RTN4: variants seen among roughly 807,000 people sequenced by gnomAD.
RTN4 encodes the protein reticulon 4, also known as reticulon-4.
RTN4 carries 32 observed loss-of-function variants against 90.4 expected under a neutral mutation model. That is an observed-to-expected ratio of 0.35 (90% CI 0.27 to 0.48). The LOEUF (loss-of-function observed/expected upper bound fraction) is 0.48, where lower values mean the gene tolerates loss of function less well. Ranked by LOEUF, RTN4 falls within the 20% of genes least tolerant of loss-of-function variation. RTN4 has a pLI of 0.99. For synonymous variants in RTN4, 629 were observed against 552.5 expected, an observed-to-expected ratio of 1.14 and a Z score of -1.94; for missense variants, 1,706 against 1,430.2, an observed-to-expected ratio of 1.19 and a Z score of -3.11.
chr2:55,031,938 GC>G (rs1682344992), intron 1 of RTN4, among the ~76,000 whole-genome samples: 2 of 152,044 alleles, frequency 1.3e-5, no homozygotes, highest in Non-Finnish European at 2.9e-5. Context: ...CAAATTAACT[GC>G]CTGCCAGAAC....
rs111958278 is a variant in RTN4, at chr2:55,025,123, T to C, written c.2976A>G (p.Pro992=). 4.9e-4 allele frequency: 791 copies of C among 1,612,684 alleles called. 4 individuals are homozygous for C. The African/African-American group carries it at 7.7e-3, about 16-fold the overall frequency. ...TCAGCTCTGCTGAAAATATAGCAGA[T>C]GGTGATCTGTCCTCTTTTTCTGTAT... ...PSDTEKEDRS[P]SAIFSAELSK... The change falls in exon 3 of 9, where the codon CCA becomes CCG. Residue 992 remains proline, a synonymous_variant. Transcript: ENST00000337526.
chr2:54,978,568 T>C (rs886652283), intron 5 of RTN4, among the ~76,000 whole-genome samples: 4 of 152,196 alleles, frequency 2.6e-5, no homozygotes, highest in Admixed American at 2.6e-4. Flanking sequence ...TTTCAAATTG[T>C]TGTTTAAAAA....
chr2:54,999,241 TTTTC>T (rs1679677535), intron 3 of RTN4, among the ~76,000 whole-genome samples: 1 of 152,202 alleles, frequency 6.6e-6, no homozygotes, highest in Non-Finnish European at 1.5e-5. Context: ...CACTTAAATC[TTTTC>T]TTTAAAATAA....
intron 2 of RTN4, among the ~76,000 whole-genome samples, chr2:55,066,422 T>C (rs1172086281): frequency 2.0e-5 from 3 of 152,024 alleles, no homozygotes; most frequent in African/African-American, 7.2e-5. Context: ...TGGCTGGGCG[T>C]GGTGGCTCAC....
At chr2:55,001,277 T>C (rs919823770) in intron 3 of RTN4, among the ~76,000 whole-genome samples, 1 of 152,162 alleles carries the variant, frequency 6.6e-6, no homozygotes, top group African/African-American at 2.4e-5. Flanking sequence ...ATTAAAATCG[T>C]TGTAAACACC....
At chr2:55,092,926 A>G (rs1668966664) in intron 1 of RTN4, among the ~76,000 whole-genome samples, 1 of 152,238 alleles carries the variant, frequency 6.6e-6, no homozygotes, top group South Asian at 2.1e-4. Context: ...CATTTTCCCA[A>G]TGGGTAAAAC....
chr2:54,983,348 T>A (rs1057222007), intron 4 of RTN4, among the ~76,000 whole-genome samples: 2 of 148,438 alleles, frequency 1.3e-5, no homozygotes, highest in Non-Finnish European at 3.0e-5. Flanking sequence ...AATAAATAAA[T>A]AAATAAAAAT....
At chr2:55,036,675 G>C (rs933659035) in intron 1 of RTN4, among the ~76,000 whole-genome samples, 51 of 147,108 alleles carry the variant, frequency 3.5e-4, no homozygotes, top group Admixed American at 2.6e-3. Flanking sequence ...ATTCACTATA[G>C]TAACAACAGC....
chr2:54,977,406 G>GTTTTTTTTTTTT (rs34777052), intron 5 of RTN4, among the ~76,000 whole-genome samples: 3 of 146,110 alleles, frequency 2.1e-5, no homozygotes, highest in Non-Finnish European at 3.0e-5. Context: ...AGCTCAGGCC[G>GTTTTTTTTTTTT]TTTTTTTTTT....
At chr2:55,011,787 A>G (rs2104795650) in intron 3 of RTN4, among the ~76,000 whole-genome samples, 1 of 152,322 alleles carries the variant, frequency 6.6e-6, no homozygotes, top group African/African-American at 2.4e-5. Flanking sequence ...TCAATGACAC[A>G]TTTATTTCCC....
At chr2:55,015,392 A>G (rs1426203910) in intron 3 of RTN4, among the ~76,000 whole-genome samples, 2 of 152,120 alleles carry the variant, frequency 1.3e-5, no homozygotes, top group African/African-American at 4.8e-5. Flanking sequence ...AGTAAATAAA[A>G]AATATATTTT....
rs368515084 is a variant in RTN4 at position 55,076,505 on chromosome 2, T to C, written c.-63+3984A>G. On this transcript the variant is annotated intron_variant, in intron 2 of 3. Transcript: ENST00000427710. ...ACCTCCGCTTCCCAGGTTCTAGTGA[T>C]TTTCCTGCCTCAGCCTGCTGAGTAG... 5.9e-5 allele frequency among the ~76,000 whole-genome samples: 9 copies of C among 151,548 alleles called. No homozygotes were observed. The East Asian group carries it at 1.8e-3, about 30-fold the overall frequency.
chr2:55,065,673 A>G (rs1477430726), intron 2 of RTN4, among the ~76,000 whole-genome samples: 1 of 152,218 alleles, frequency 6.6e-6, no homozygotes, highest in Non-Finnish European at 1.5e-5. Flanking sequence ...ACACACATAC[A>G]CACACACGCA....
Position 55,027,021 on chromosome 2 carries a change from C to A in RTN4, c.1078G>T (p.Val360Leu), listed in dbSNP as rs201745078. 3.1e-6 allele frequency: 5 copies of A among 1,613,556 alleles called. No individual in the cohort carries two copies. Among genetic ancestry groups the A allele is most frequent in the Admixed American group, 1.7e-5 (1 of 59,952 alleles). Residue 360 changes from valine (V) to leucine (L), a missense_variant, in exon 3 of 9, where the codon GTG becomes TTG. By Grantham distance (32) the Val-to-Leu change is conservative (BLOSUM62 1). Transcript: ENST00000337526. ...CTGTCTTTTGCTTTTTCTGAAGACA[C>A]AACTTCATCCTCTTTAACCAATTTA... is the stretch of plus-strand genomic sequence containing the variant. Reference protein sequence around the residue: ...LTKLVKEDEVVSSEKAKDSFN... With the variant: ...LTKLVKEDEVLSSEKAKDSFN...
At chr2:55,095,124 A>G (rs1669008024) in intron 1 of RTN4, among the ~76,000 whole-genome samples, 1 of 152,152 alleles carries the variant, frequency 6.6e-6, no homozygotes, top group South Asian at 2.1e-4. Context: ...GGAGTTCGAG[A>G]TCAGCCTGGC....
At chr2:54,973,981 A>T in intron 6 of RTN4, 114 bp from the exon 7 acceptor site, 1 of 858,686 alleles carries the variant, frequency 1.2e-6, no homozygotes, top group Non-Finnish European at 1.8e-6. Context: ...TTCCTAATGA[A>T]TGAATAAAAA....
At chr2:55,132,514 A>C in the RTN4 span, among the ~76,000 whole-genome samples, 1 of 139,900 alleles carries the variant, frequency 7.1e-6, no homozygotes, top group Non-Finnish European at 1.6e-5. Flanking sequence ...AAAAAAAAAA[A>C]ACCTTTTAAA....
At chr2:55,006,723 A>G (rs1680253720) in intron 3 of RTN4, among the ~76,000 whole-genome samples, 1 of 152,122 alleles carries the variant, frequency 6.6e-6, no homozygotes, top group Non-Finnish European at 1.5e-5. Context: ...AAAATTTAAC[A>G]AGATTCACAT....
intron 1 of RTN4, among the ~76,000 whole-genome samples, chr2:55,029,929 T>C (rs1682180391): frequency 6.6e-6 from 1 of 152,184 alleles, no homozygotes; most frequent in South Asian, 2.1e-4. Flanking sequence ...GAAGGAAAGT[T>C]CCCTTCAGCT....
Sources: gnomAD v4.1 joint callset for allele counts (sites outside exome capture counted in the v4.1 genomes callset) on GRCh38, gnomAD v4.1.1 for gene constraint, MANE v1.5 for transcripts, NCBI Gene and HGNC (gene_info 2026-07-23, HGNC 2026-07-21) for gene names.